Variants in ATP10B observed in about 807,000 individuals in gnomAD.
The protein encoded by ATP10B is phospholipid-transporting ATPase VB.
In ATP10B, 122 loss-of-function variants were observed where a neutral mutation model predicts 141.2. That is an observed-to-expected ratio of 0.86 (90% confidence interval 0.75 to 1.00). The LOEUF (loss-of-function observed/expected upper bound fraction) is 1.00, where lower values mean the gene tolerates loss of function less well. Among genes scored for constraint, ATP10B ranks in the 50% least tolerant of loss-of-function variants. The pLI is 0.00. For synonymous variants in ATP10B, 685 were observed against 692.0 expected (o/e 0.99, Z 0.16); for missense variants, 1,876 against 1,825.3 (o/e 1.03, Z -0.51).
chr5:160,919,053 G>A, the ATP10B span, among the ~76,000 whole-genome samples: 25 of 150,072 alleles, frequency 1.7e-4, no homozygotes, highest in Non-Finnish European at 3.4e-4. Context: ...GTGAAACCCC[G>A]TCTCTACTAA....
rs564133890 is a variant in ATP10B, at chr5:160,565,258, A to T, written c.*195T>A. ...GATGTGCTGCCTGAGAGCAGCAGAA[A>T]ACTAGAGGCCGACTGGGTTTCCCGT... On this transcript the variant is annotated 3_prime_UTR_variant, in exon 26 of 26. Transcript: ENST00000327245. 2.3e-4 allele frequency: 140 copies of T among 604,480 alleles called. No homozygotes were observed. Among genetic ancestry groups the T allele is most frequent in the Middle Eastern group, 2.2e-3 (5 of 2,246 alleles). 37.4% of individuals were successfully genotyped at this position (604,480 alleles called of 1,614,324 possible). A position where few individuals can be genotyped will look rare whatever the true frequency, so the allele number is the denominator to read the frequency against.
rs116413117 is a variant in ATP10B, at chr5:160,615,548, G to A, written c.2653+290C>T. Among the ~76,000 whole-genome samples, 1,350 of 152,000 alleles carry A rather than the reference G, an allele frequency of 8.9e-3. 5 individuals carry two copies. The highest frequency in any genetic ancestry group is 0.014 in the Non-Finnish European group (946 of 67,990). ...GCATGTCACTTGGCACATAGTAGGT[G>A]CTTAGCAAACATTTGAATGAAGGGA... On this transcript the variant is annotated intron_variant, in intron 17 of 25. Transcript: ENST00000327245.
chr5:160,605,959 A>G (rs1389771337), intron 19 of ATP10B, among the ~76,000 whole-genome samples: 3 of 152,194 alleles, frequency 2.0e-5, no homozygotes, highest in Non-Finnish European at 4.4e-5. Flanking sequence ...GTTAGGTAGG[A>G]TTGGAAGAAG....
At chr5:160,793,394 C>T (rs952954249) in intron 1 of ATP10B, among the ~76,000 whole-genome samples, 6 of 152,146 alleles carry the variant, frequency 3.9e-5, no homozygotes, top group Non-Finnish European at 8.8e-5. Context: ...GCAGCTTAAG[C>T]GTTAGTATTT....
intron 2 of ATP10B, among the ~76,000 whole-genome samples, chr5:160,746,383 TTTTC>T (rs1767804347): frequency 6.8e-6 from 1 of 146,970 alleles, no homozygotes; most frequent in African/African-American, 2.5e-5. Context: ...GGTCTCTTAA[TTTTC>T]TTTCTTTCCT....
intron 7 of ATP10B, among the ~76,000 whole-genome samples, chr5:160,668,076 C>CA (rs766482458): frequency 3.3e-5 from 5 of 151,850 alleles, no homozygotes; most frequent in East Asian, 1.9e-4. Flanking sequence ...ACTAAAAATA[C>CA]AAAAAATTAG....
chr5:160,697,639 G>C (rs935179453), intron 3 of ATP10B, among the ~76,000 whole-genome samples: 14 of 152,104 alleles, frequency 9.2e-5, no homozygotes, highest in Non-Finnish European at 5.9e-5. Context: ...GTTGGTAAAA[G>C]TGGGGACTAG....
intron 1 of ATP10B, among the ~76,000 whole-genome samples, chr5:160,844,514 G>A (rs1775998897): frequency 6.6e-6 from 1 of 151,622 alleles, no homozygotes; most frequent in Non-Finnish European, 1.5e-5. Flanking sequence ...TTCTGATTAT[G>A]AAGTAGTAAG....
At chr5:160,728,850 C>A (rs1766541896) in intron 2 of ATP10B, among the ~76,000 whole-genome samples, 1 of 152,148 alleles carries the variant, frequency 6.6e-6, no homozygotes, top group Admixed American at 6.5e-5. Flanking sequence ...GTTTGAGTAA[C>A]AAGCCCCTGG....
intron 2 of ATP10B, among the ~76,000 whole-genome samples, chr5:160,784,621 C>T (rs1343693569): frequency 6.6e-6 from 1 of 152,140 alleles, no homozygotes; most frequent in Non-Finnish European, 1.5e-5. Context: ...AAACAGTCTG[C>T]ATATGGTATA....
chr5:160,823,093 C>A (rs565641425), intron 1 of ATP10B, among the ~76,000 whole-genome samples: 1 of 142,664 alleles, frequency 7.0e-6, no homozygotes, highest in Non-Finnish European at 1.5e-5. Flanking sequence ...GTGATAGATA[C>A]CCCCATTTAC....
In ATP10B at chr5:160,838,271, T is replaced by C. The variant is rs147039024; in HGVS notation, c.-576+13670A>G. Reference sequence around the variant, plus strand: ...CATTTATCCTAGATTCCTGTTAAAGTAGGTCAGGGAGCATAAGAAAACAGC... The same window carrying C: ...CATTTATCCTAGATTCCTGTTAAAGCAGGTCAGGGAGCATAAGAAAACAGC... On this transcript the variant is annotated intron_variant, in intron 1 of 25. Coordinates refer to ENST00000327245, the MANE Select transcript of ATP10B (RefSeq NM_025153.3). 2.0e-5 allele frequency among the ~76,000 whole-genome samples: 3 copies of C among 152,248 alleles called. No individual in the cohort carries two copies. The East Asian group carries it at 5.8e-4, about 29-fold the overall frequency.
At chr5:160,810,711 CTTA>C (rs1166213951) in intron 1 of ATP10B, among the ~76,000 whole-genome samples, 2 of 152,080 alleles carry the variant, frequency 1.3e-5, no homozygotes, top group South Asian at 4.2e-4. Context: ...TTTATTTATA[CTTA>C]TTATGAGGCT....
At chr5:160,618,924 T>C (rs4921156) in intron 15 of ATP10B, among the ~76,000 whole-genome samples, 4 of 152,162 alleles carry the variant, frequency 2.6e-5, no homozygotes, top group Non-Finnish European at 5.9e-5. Context: ...TTGTATATAA[T>C]GCAAAATTAA....
intron 1 of ATP10B, among the ~76,000 whole-genome samples, chr5:160,792,403 A>T (rs1771642080): frequency 6.6e-6 from 1 of 152,172 alleles, no homozygotes; most frequent in Non-Finnish European, 1.5e-5. Flanking sequence ...TTGGTTGTGC[A>T]GCTAGAGACT....
chr5:160,852,702 A>G (rs1359135311), upstream of ATP10B, among the ~76,000 whole-genome samples: 1 of 152,172 alleles, frequency 6.6e-6, no homozygotes, highest in South Asian at 2.1e-4. Context: ...CTTACAGAAA[A>G]TCAGAATTAG....
At chr5:160,846,835 GTGGC>G (rs1776154937) in intron 1 of ATP10B, among the ~76,000 whole-genome samples, 1 of 152,148 alleles carries the variant, frequency 6.6e-6, no homozygotes, top group Non-Finnish European at 1.5e-5. Flanking sequence ...CTGCCACATT[GTGGC>G]TGGCAAGTTA....
intron 9 of ATP10B, 72 bp downstream of exon 9, chr5:160,644,066 T>C (rs1760088062): frequency 5.5e-6 from 7 of 1,266,288 alleles, no homozygotes; most frequent in South Asian, 2.4e-5. Context: ...TTGGTTCCCA[T>C]TGACTGAAGA....
intron 2 of ATP10B, among the ~76,000 whole-genome samples, chr5:160,752,141 C>T (rs189874236): frequency 6.7e-6 from 1 of 149,256 alleles, no homozygotes; most frequent in East Asian, 2.0e-4. Context: ...TAAACCACAG[C>T]CAATTCAAAC....
Sources: allele counts gnomAD v4.1 joint callset (sites outside exome capture counted in the v4.1 genomes callset), GRCh38; gene constraint gnomAD v4.1.1; transcripts MANE v1.5; gene names NCBI Gene and HGNC (gene_info 2026-07-23, HGNC 2026-07-21).